EPB41L3: variants seen among roughly 807,000 people sequenced by gnomAD.
The protein encoded by EPB41L3 is band 4.1-like protein 3.
In EPB41L3, 57 loss-of-function variants were observed where a neutral mutation model predicts 127.1. The observed-to-expected ratio is 0.45, with a 90% confidence interval of 0.36 to 0.56. The LOEUF is 0.56. Ranked by LOEUF, EPB41L3 falls within the 20% of genes least tolerant of loss-of-function variation. The pLI is 0.00. For synonymous variants in EPB41L3, 572 were observed against 549.5 expected (o/e 1.04, Z -0.57); for missense variants, 1,273 against 1,372.2 (o/e 0.93, Z 1.14).
intron 3 of EPB41L3, among the ~76,000 whole-genome samples, chr18:5,447,402 T>G (rs1023232130): frequency 2.0e-5 from 3 of 151,760 alleles, no homozygotes; most frequent in Admixed American, 2.0e-4. Context: ...TCCCACTCTT[T>G]AGATATTAGA....
rs908111185 is a variant in EPB41L3 at position 5,610,313 on chromosome 18, A to C, written c.-306+2027T>G. 3.7e-5 allele frequency: 36 copies of C among 985,342 alleles called. No homozygotes were observed. The Middle Eastern group carries it at 1.6e-3, about 43-fold the overall frequency. The allele number at this position is 985,342 out of a possible 1,614,324, so 61.0% of individuals were successfully genotyped here. A position where few individuals can be genotyped will look rare whatever the true frequency, so the allele number is the denominator to read the frequency against. On this transcript the variant is annotated intron_variant, in intron 3 of 21. Coordinates refer to the EPB41L3 transcript ENST00000545076. ...TACCTTATCCCATTCTGAGCACGAG[A>C]ATGACACTTCCCTCCTTTCTAGAAG...
chr18:5,459,357 A>G (rs952356545), intron 3 of EPB41L3, among the ~76,000 whole-genome samples: 5 of 151,644 alleles, frequency 3.3e-5, no homozygotes, highest in Non-Finnish European at 2.9e-5. Flanking sequence ...TAGGAAGCCA[A>G]TTAATTTGTG....
intron 3 of EPB41L3, among the ~76,000 whole-genome samples, chr18:5,589,001 A>T (rs2094463273): frequency 6.6e-6 from 1 of 152,196 alleles, no homozygotes; most frequent in Non-Finnish European, 1.5e-5. Flanking sequence ...TTTAATTTGA[A>T]AGTGTATTTC....
At chr18:5,545,748 G>A (rs1450747752), upstream of EPB41L3, among the ~76,000 whole-genome samples, 1 of 152,194 alleles carries the variant, frequency 6.6e-6, no homozygotes. Context: ...TGTCTTTCAG[G>A]TGACAGATAA....
intron 3 of EPB41L3, among the ~76,000 whole-genome samples, chr18:5,592,245 C>T (rs866147100): frequency 6.6e-6 from 1 of 152,188 alleles, no homozygotes; most frequent in Non-Finnish European, 1.5e-5. Context: ...TGGCTCACTG[C>T]AACCTCCACC....
Position 5,489,110 on chromosome 18 carries a change from GC to G in EPB41L3, c.73del (p.Ala25ArgfsTer58). ...CACGGGCGCCCCCGCGCGCCCCTGC[GC>G]CCCCGCCGCCTCCTGGGGCTCGGCC... Reference protein sequence around the residue: ...QEAEPQEAAGAQGRAGAPVPE... With the variant: ...QEAEPQEAAGXQGRAGAPVPE... On this transcript the variant is annotated frameshift_variant, in exon 2 of 23. Transcript: ENST00000341928. LOFTEE classifies it high-confidence loss of function. 2 of 1,594,180 alleles carry G rather than the reference GC, an allele frequency of 1.3e-6. No individual in the cohort carries two copies. The highest frequency in any genetic ancestry group is 2.3e-5 in the East Asian group (1 of 43,814).
chr18:5,490,730 T>C (rs981590799), intron 1 of EPB41L3, among the ~76,000 whole-genome samples: 1 of 152,200 alleles, frequency 6.6e-6, no homozygotes, highest in African/African-American at 2.4e-5. Flanking sequence ...TGTATGCTTA[T>C]CCTGGAAAGT....
chr18:5,603,887 A>G (rs980052473), intron 3 of EPB41L3, among the ~76,000 whole-genome samples: 1 of 152,158 alleles, frequency 6.6e-6, no homozygotes, highest in African/African-American at 2.4e-5. Context: ...TTAAAAAAAA[A>G]GTTGAATGAG....
At chr18:5,488,386 G>A (rs561470820) in intron 2 of EPB41L3, among the ~76,000 whole-genome samples, 5 of 151,920 alleles carry the variant, frequency 3.3e-5, no homozygotes, top group Non-Finnish European at 7.4e-5. Flanking sequence ...GACGTAGGGA[G>A]GGGAACATCA....
At chr18:5,534,470 T>C (rs1160016379) in intron 1 of EPB41L3, among the ~76,000 whole-genome samples, 1 of 152,196 alleles carries the variant, frequency 6.6e-6, no homozygotes, top group Non-Finnish European at 1.5e-5. Flanking sequence ...AATCCGTGGA[T>C]TGGTCCCCAA....
chr18:5,416,238 G>A lies in EPB41L3; in HGVS notation c.1647C>T (p.His549=). 6.2e-7 allele frequency: 1 copy of A among 1,614,106 alleles called. No individual in the cohort carries two copies. Among genetic ancestry groups the A allele is most frequent in the Non-Finnish European group, 8.5e-7 (1 of 1,180,028 alleles). Residue 549 remains histidine, a synonymous_variant, in exon 13 of 23, where the codon CAC becomes CAT. Coordinates refer to ENST00000341928, the MANE Select transcript of EPB41L3 (RefSeq NM_012307.5). ...LPGYEPSRAE[H]LPGEPALDSD... ...AGTCCAAGGCGGGCTCTCCAGGCAGGTGCTCAGCTCTGGACGGCTCATAAC... is the reference window on the plus strand; with the variant it reads ...AGTCCAAGGCGGGCTCTCCAGGCAGATGCTCAGCTCTGGACGGCTCATAAC...
At chr18:5,593,331 A>C (rs1230975152) in intron 3 of EPB41L3, among the ~76,000 whole-genome samples, 1 of 152,104 alleles carries the variant, frequency 6.6e-6, no homozygotes, top group Admixed American at 6.6e-5. Context: ...AGTACAAAAG[A>C]GAAATTTTAA....
intron 1 of EPB41L3, among the ~76,000 whole-genome samples, chr18:5,500,088 T>C (rs2091601140): frequency 6.6e-6 from 1 of 152,104 alleles, no homozygotes; most frequent in Non-Finnish European, 1.5e-5. Context: ...TTTTAATCAG[T>C]TACGATTTTG....
chr18:5,412,076 G>A (rs1460650465), intron 13 of EPB41L3, among the ~76,000 whole-genome samples: 1 of 152,190 alleles, frequency 6.6e-6, no homozygotes, highest in East Asian at 1.9e-4. Context: ...TAGTATGGCT[G>A]TACCGAGTGA....
At chr18:5,492,822 G>A (rs2090752205) in intron 1 of EPB41L3, among the ~76,000 whole-genome samples, 1 of 152,150 alleles carries the variant, frequency 6.6e-6, no homozygotes, top group Non-Finnish European at 1.5e-5. Flanking sequence ...ATGCTAGGCA[G>A]ATGGCAAGAG....
In EPB41L3 at chr18:5,397,009, C is replaced by T; in HGVS notation, c.2841+49G>A. On this transcript the variant is annotated intron_variant, in intron 18 of 22. Coordinates refer to ENST00000341928, the MANE Select transcript of EPB41L3 (RefSeq NM_012307.5). The surrounding 1 kb of genome is among the most constrained non-coding windows in gnomAD (Gnocchi z 4.1). ...ATGCTGATCTAAATTTCCAGGCATC[C>T]TATATCAGTTTTATTTTAGTGATAA... The T allele has an allele frequency of 1.3e-6, 2 of 1,520,978 alleles. No individual in the cohort carries two copies. Among genetic ancestry groups the T allele is most frequent in the Non-Finnish European group, 1.8e-6 (2 of 1,138,976 alleles). 94.2% of individuals were successfully genotyped at this position (1,520,978 alleles called of 1,614,324 possible).
At chr18:5,506,112 TCA>T (rs1158832968) in intron 1 of EPB41L3, among the ~76,000 whole-genome samples, 1 of 151,602 alleles carries the variant, frequency 6.6e-6, no homozygotes, top group Non-Finnish European at 1.5e-5. Context: ...GCCTACCACC[TCA>T]CCATCCAGTA....
chr18:5,520,857 T>G (rs2148811234), intron 1 of EPB41L3, among the ~76,000 whole-genome samples: 1 of 152,310 alleles, frequency 6.6e-6, no homozygotes, highest in African/African-American at 2.4e-5. Flanking sequence ...GCCTTTCAGT[T>G]TTAATACAAG....
At chr18:5,544,141 G>C, upstream of EPB41L3, 1 of 985,472 alleles carries the variant, frequency 1.0e-6, no homozygotes, top group Non-Finnish European at 1.2e-6. Flanking sequence ...CGTCCTGCCT[G>C]CCCTCCCAGC....
Sources: allele counts gnomAD v4.1 joint callset (sites outside exome capture counted in the v4.1 genomes callset), GRCh38; gene constraint gnomAD v4.1.1; non-coding constraint Gnocchi (gnomAD v3.1); transcripts MANE v1.5; gene names NCBI Gene and HGNC (gene_info 2026-07-23, HGNC 2026-07-21).